COG6: variants seen among roughly 807,000 people sequenced by gnomAD.
COG6 encodes the protein component of oligomeric golgi complex 6, also known as conserved oligomeric Golgi complex subunit 6.
COG6 carries 74 observed loss-of-function variants against 88.8 expected under a neutral mutation model. The ratio of observed to expected loss-of-function variants is 0.83; its 90% CI spans 0.69 to 1.01. COG6 has a LOEUF of 1.01. Ranked by LOEUF, COG6 falls within the 50% of genes least tolerant of loss-of-function variation. The pLI, the probability that COG6 is intolerant of heterozygous loss-of-function variation, is 0.00. For synonymous variants in COG6, 286 were observed against 278.7 expected (o/e 1.03, Z -0.26); for missense variants, 800 against 797.9 (o/e 1.00, Z -0.03).
At chr13:39,732,571 A>G (rs999858899) in intron 18 of COG6, among the ~76,000 whole-genome samples, 2 of 152,236 alleles carry the variant, frequency 1.3e-5, no homozygotes, top group African/African-American at 2.4e-5. Flanking sequence ...GGGATTTTAC[A>G]AAATTAGAAT....
intron 12 of COG6, among the ~76,000 whole-genome samples, chr13:39,694,957 A>ACT (rs397851509): frequency 2.7e-5 from 2 of 73,052 alleles, no homozygotes; most frequent in Non-Finnish European, 3.5e-5. Context: ...AACTACACGC[A>ACT]CACACACACA....
At chr13:39,705,433 G>A (rs1029485314) in intron 13 of COG6, among the ~76,000 whole-genome samples, 7 of 152,066 alleles carry the variant, frequency 4.6e-5, no homozygotes, top group African/African-American at 1.7e-4. Flanking sequence ...AAGCTCTCCT[G>A]AAATATTCAT....
At chr13:39,655,928 C>T (rs1194120527) in intron 1 of COG6, 49 bp downstream of exon 1, 1 of 1,575,392 alleles carries the variant, frequency 6.3e-7, no homozygotes, top group Admixed American at 1.8e-5. Flanking sequence ...CGGGGCTGAG[C>T]CGGGCCAGGG....
chr13:39,718,074 G>T (rs1593448105), intron 13 of COG6, among the ~76,000 whole-genome samples: 1 of 152,060 alleles, frequency 6.6e-6, no homozygotes, highest in African/African-American at 2.4e-5. Context: ...TAAAGTCTTT[G>T]TCTAGTAAAT....
At chr13:39,757,547 A>G (rs1298651775), downstream of COG6, among the ~76,000 whole-genome samples, 2 of 152,128 alleles carry the variant, frequency 1.3e-5, no homozygotes, top group Non-Finnish European at 2.9e-5. Flanking sequence ...AGAAACATTG[A>G]CTAATCTTTA....
chr13:39,779,549 G>A (rs1414249482), intron 18 of COG6, among the ~76,000 whole-genome samples: 2 of 152,204 alleles, frequency 1.3e-5, no homozygotes, highest in African/African-American at 2.4e-5. Context: ...GCCAGGCTAT[G>A]TGACTTCTCA....
In COG6 at chr13:39,680,052, G is replaced by T. The variant is rs377452864; in HGVS notation, c.694+7G>T. On this transcript the variant is annotated splice_region_variant and intron_variant, in intron 7 of 18. Transcript: ENST00000455146. ...CTTTACCGATGGGCTCAAAGTAAGT[G>T]ATTTCTTTTATGTTGTCTAGATTCA... The T allele has an allele frequency of 3.2e-5, 49 of 1,535,258 alleles. No individual in the cohort carries two copies. Among genetic ancestry groups the T allele is most frequent in the Non-Finnish European group, 4.2e-5 (47 of 1,110,592 alleles).
intron 8 of COG6, among the ~76,000 whole-genome samples, chr13:39,682,624 G>C (rs1162236874): frequency 1.3e-5 from 2 of 152,036 alleles, no homozygotes; most frequent in African/African-American, 2.4e-5. Flanking sequence ...TATCAGTACT[G>C]AGAAATATGG....
chr13:39,680,690 G>A (rs1876257186), intron 7 of COG6, among the ~76,000 whole-genome samples: 1 of 152,214 alleles, frequency 6.6e-6, no homozygotes, highest in Non-Finnish European at 1.5e-5. Flanking sequence ...GGCTGTCACT[G>A]AGGGTTTTTC....
chr13:39,667,222 C>T (rs866449184), intron 4 of COG6, among the ~76,000 whole-genome samples: 6 of 152,160 alleles, frequency 3.9e-5, no homozygotes, highest in Non-Finnish European at 8.8e-5. Context: ...TTTTATTCCT[C>T]ATGCCAGAGA....
intron 18 of COG6, among the ~76,000 whole-genome samples, chr13:39,750,401 G>C (rs1424205644): frequency 2.0e-5 from 3 of 152,182 alleles, no homozygotes; most frequent in African/African-American, 7.2e-5. Flanking sequence ...TTGTGAGAAA[G>C]CTGTGATTTG....
intron 4 of COG6, among the ~76,000 whole-genome samples, chr13:39,669,799 T>C (rs902022289): frequency 6.6e-6 from 1 of 152,210 alleles, no homozygotes; most frequent in Admixed American, 6.5e-5. Context: ...TGGCCTGATA[T>C]GCTTTTGGGA....
intron 12 of COG6, among the ~76,000 whole-genome samples, chr13:39,697,572 A>G (rs1228607630): frequency 6.6e-6 from 1 of 151,936 alleles, no homozygotes; most frequent in Non-Finnish European, 1.5e-5. Context: ...TGCCCTTATC[A>G]CTATTTTGGA....
At chr13:39,741,687 G>A (rs912143959) in intron 18 of COG6, among the ~76,000 whole-genome samples, 4 of 152,072 alleles carry the variant, frequency 2.6e-5, no homozygotes, top group Admixed American at 6.6e-5. Context: ...TCTTCAGGAT[G>A]TTATCCAGGA....
intron 5 of COG6, chr13:39,678,248 A>G (rs1044210608): frequency 1.5e-5 from 5 of 322,850 alleles, no homozygotes; most frequent in Non-Finnish European, 3.0e-5. Flanking sequence ...TTTAATTTTA[A>G]TTTTTAGTAG....
At chr13:39,756,261 A>C (rs543869093), downstream of COG6, among the ~76,000 whole-genome samples, 1 of 152,156 alleles carries the variant, frequency 6.6e-6, no homozygotes, top group Non-Finnish European at 1.5e-5. Flanking sequence ...ATAATACACT[A>C]TAGGGGATAA....
In COG6 at chr13:39,759,375, A is replaced by T. The variant is rs1234105180; in HGVS notation, c.1827-28960A>T. 3.3e-5 allele frequency among the ~76,000 whole-genome samples: 5 copies of T among 152,172 alleles called. No individual in the cohort carries two copies. In the East Asian group the frequency reaches 9.6e-4, roughly 29 times the overall value. On this transcript the variant is annotated intron_variant, in intron 18 of 18. Coordinates refer to the COG6 transcript ENST00000416691. ...TTCCTTGAACCTGGTGATAGTACTG[A>T]TATATAATTGTCCAGTCTTGGAATA...
At chr13:39,704,003 G>A (rs890048544) in intron 13 of COG6, among the ~76,000 whole-genome samples, 1 of 152,106 alleles carries the variant, frequency 6.6e-6, no homozygotes, top group African/African-American at 2.4e-5. Context: ...CAAAGTGCAG[G>A]AATTACAGGT....
At chr13:39,726,390 A>ACT (rs1285161442) in intron 17 of COG6, among the ~76,000 whole-genome samples, 1 of 152,016 alleles carries the variant, frequency 6.6e-6, no homozygotes, top group Non-Finnish European at 1.5e-5. Context: ...AATGAAGAGT[A>ACT]CAGTTATGTG....
Sources: gnomAD v4.1 joint callset for allele counts (sites outside exome capture counted in the v4.1 genomes callset) on GRCh38, gnomAD v4.1.1 for gene constraint, MANE v1.5 for transcripts, NCBI Gene and HGNC (gene_info 2026-07-23, HGNC 2026-07-21) for gene names.